The following CRISPLD2 variants were observed in gnomAD, a reference collection of about 807,000 sequenced individuals.
CRISPLD2 encodes the protein cysteine rich secretory protein LCCL domain containing 2, also known as cysteine-rich secretory protein LCCL domain-containing 2.
Under a neutral mutation model 71.1 loss-of-function variants are expected in CRISPLD2, and 47 were observed. That is an observed-to-expected ratio of 0.66 (90% CI 0.52 to 0.84). The LOEUF is 0.84. Among genes scored for constraint, CRISPLD2 ranks in the 40% least tolerant of loss-of-function variants. The pLI is 0.00. For missense variants in CRISPLD2, 830 were observed against 651.1 expected (o/e 1.27, Z -2.99); for synonymous variants, 317 against 250.1 (o/e 1.27, Z -2.52).
rs1207870877 is a variant in CRISPLD2 at position 84,889,366 on chromosome 16, A to G, written c.1439+3A>G. 1 of 1,608,760 alleles carries G rather than the reference A, an allele frequency of 6.2e-7. No individual in the cohort carries two copies. The highest frequency in any genetic ancestry group is 1.3e-5 in the African/African-American group (1 of 74,988). On this transcript the variant is annotated splice_donor_region_variant and intron_variant, in intron 14 of 14. Coordinates refer to ENST00000262424, the MANE Select transcript of CRISPLD2 (RefSeq NM_031476.4). ...AGGAATGGAGTTCAGTCTGAAAGGT[A>G]GGGTGGTGTTCTCCAACCCTTGACA...
intron 2 of CRISPLD2, among the ~76,000 whole-genome samples, chr16:84,841,025 C>T (rs917255329): frequency 3.3e-5 from 5 of 152,190 alleles, no homozygotes; most frequent in African/African-American, 4.8e-5. Flanking sequence ...ACGGCACCTC[C>T]GGACTAGTGT....
intron 14 of CRISPLD2, among the ~76,000 whole-genome samples, chr16:84,905,978 G>A (rs1314176624): frequency 6.6e-6 from 1 of 152,140 alleles, no homozygotes; most frequent in Non-Finnish European, 1.5e-5. Context: ...AAAGTGCTGA[G>A]GTTACAGGCA....
chr16:84,834,638 T>C (rs192960798), intron 1 of CRISPLD2, among the ~76,000 whole-genome samples: 44 of 152,286 alleles, frequency 2.9e-4, no homozygotes, highest in Non-Finnish European at 4.1e-4. Flanking sequence ...ATCTGATGTG[T>C]GTTGGTCTGT....
intron 2 of CRISPLD2, among the ~76,000 whole-genome samples, chr16:84,843,755 G>A (rs1023246004): frequency 6.6e-6 from 1 of 152,222 alleles, no homozygotes; most frequent in Non-Finnish European, 1.5e-5. Flanking sequence ...TCTGGCACTT[G>A]GTTACAGTAT....
At position 84,854,928 on chromosome 16, in the gene CRISPLD2, C is replaced by T. The variant is rs113835532; in HGVS notation, c.709+99C>T. 15 of 916,002 alleles carry T rather than the reference C, an allele frequency of 1.6e-5. 1 individual carries two copies. Among genetic ancestry groups the T allele is most frequent in the Non-Finnish European group, 2.5e-5 (14 of 554,156 alleles). 56.7% of individuals were successfully genotyped at this position (916,002 alleles called of 1,614,324 possible). A position where few individuals can be genotyped will look rare whatever the true frequency, so the allele number is the denominator to read the frequency against. On this transcript the variant is annotated intron_variant, in intron 6 of 14. Transcript: ENST00000262424. The stretch of plus-strand genomic sequence containing the variant: ...ACAGGGGAATTAAAGAAGTCAGTCA[C>T]CCCTCCTGGCCCTATTTAAGACGCT...
intron 6 of CRISPLD2, among the ~76,000 whole-genome samples, chr16:84,861,444 A>G (rs1211443598): frequency 2.6e-5 from 4 of 152,176 alleles, no homozygotes; most frequent in Non-Finnish European, 5.9e-5. Context: ...AAGCTAAAGA[A>G]CTTGAAGTCT....
intron 14 of CRISPLD2, among the ~76,000 whole-genome samples, chr16:84,895,715 G>T (rs2071699925): frequency 6.6e-6 from 1 of 152,146 alleles, no homozygotes; most frequent in Non-Finnish European, 1.5e-5. Flanking sequence ...AGCCTGCGTT[G>T]CCCACATTCT....
chr16:84,832,475 G>T (rs992405840), intron 1 of CRISPLD2, among the ~76,000 whole-genome samples: 3 of 152,266 alleles, frequency 2.0e-5, no homozygotes, highest in Admixed American at 6.5e-5. Context: ...GGGAGCAGGA[G>T]GGGGCCACAG....
chr16:84,833,437 T>C (rs767330846), intron 1 of CRISPLD2, among the ~76,000 whole-genome samples: 2 of 152,218 alleles, frequency 1.3e-5, no homozygotes, highest in Non-Finnish European at 2.9e-5. Context: ...TCCCTAGTGA[T>C]ATTTCATTAT....
intron 14 of CRISPLD2, among the ~76,000 whole-genome samples, chr16:84,895,346 C>T (rs1161872730): frequency 6.6e-6 from 1 of 152,180 alleles, no homozygotes; most frequent in Non-Finnish European, 1.5e-5. Context: ...ACAGACCCTT[C>T]CCAAGAAGGG....
chr16:84,907,115 A>C lies in CRISPLD2; in HGVS notation c.*473A>C, dbSNP rs2071809909. ...GAATGAAGTAGAAGGTAGTTATTTA[A>C]AAATAAAAAACACAGTCCGTCCCTA... On this transcript the variant is annotated 3_prime_UTR_variant, in exon 15 of 15. Transcript: ENST00000262424. The C allele has an allele frequency of 5.6e-6, 1 of 179,138 alleles. No individual in the cohort carries two copies. Among genetic ancestry groups the C allele is most frequent in the Non-Finnish European group, 1.2e-5 (1 of 84,690 alleles). 11.1% of individuals were successfully genotyped at this position (179,138 alleles called of 1,614,324 possible).
intron 2 of CRISPLD2, among the ~76,000 whole-genome samples, chr16:84,843,512 C>G (rs972185919): frequency 2.0e-5 from 3 of 152,204 alleles, no homozygotes; most frequent in Non-Finnish European, 4.4e-5. Flanking sequence ...CCAGCTCTGT[C>G]ACTGGCCAGC....
At chr16:84,837,804 G>T (rs142555830) in intron 1 of CRISPLD2, among the ~76,000 whole-genome samples, 1 of 152,104 alleles carries the variant, frequency 6.6e-6, no homozygotes, top group African/African-American at 2.4e-5. Context: ...ATAAACGACC[G>T]GCCTGTGTAG....
chr16:84,900,196 CGTTTCAAAA>C (rs2071741107), intron 14 of CRISPLD2, among the ~76,000 whole-genome samples: 1 of 152,072 alleles, frequency 6.6e-6, no homozygotes, highest in Non-Finnish European at 1.5e-5. Flanking sequence ...ATCTGATACA[CGTTTCAAAA>C]GTTCAATTCC....
chr16:84,896,248 C>T (rs963766434), intron 14 of CRISPLD2, among the ~76,000 whole-genome samples: 3 of 151,872 alleles, frequency 2.0e-5, no homozygotes, highest in African/African-American at 7.3e-5. Context: ...GGGATTTCAC[C>T]ATGTTGGCCA....
chr16:84,893,454 C>T (rs544437721), intron 14 of CRISPLD2, among the ~76,000 whole-genome samples: 3 of 152,304 alleles, frequency 2.0e-5, no homozygotes, highest in African/African-American at 7.2e-5. Flanking sequence ...TCCTTGCTTC[C>T]ATCCTTCCAA....
intron 13 of CRISPLD2, among the ~76,000 whole-genome samples, chr16:84,883,968 C>A (rs369325271): frequency 1.3e-5 from 2 of 151,888 alleles, no homozygotes; most frequent in African/African-American, 4.8e-5. Flanking sequence ...CCCAGCCTCC[C>A]GAGTAGCTGG....
In CRISPLD2 at chr16:84,854,816, C is replaced by T. The variant is rs1917191273; in HGVS notation, c.696C>T (p.Asn232=). The T allele has an allele frequency of 6.2e-7, 1 of 1,613,934 alleles. No homozygotes were observed. The highest frequency in any genetic ancestry group is 8.5e-7 in the Non-Finnish European group (1 of 1,179,798). Reference sequence around the variant, plus strand: ...GCTATGGAGGCAGCTGCAGGAACAACTTGTGTTACCGAGGTAGGAAATTTA... The same window carrying T: ...GCTATGGAGGCAGCTGCAGGAACAATTTGTGTTACCGAGGTAGGAAATTTA... ...PPSYGGSCRN[N]LCYREETYTP... is the part of the protein sequence containing the mutation. Residue 232 remains asparagine (N), a synonymous_variant, in exon 6 of 15, where the codon AAC becomes AAT. Transcript: ENST00000262424.
intron 14 of CRISPLD2, among the ~76,000 whole-genome samples, chr16:84,889,942 C>T (rs968533428): frequency 1.3e-5 from 2 of 152,102 alleles, no homozygotes; most frequent in African/African-American, 4.8e-5. Context: ...TTTGTGACCC[C>T]GAGTAAGCCA....
Sources: gnomAD v4.1 joint callset for allele counts (sites outside exome capture counted in the v4.1 genomes callset) on GRCh38, gnomAD v4.1.1 for gene constraint, MANE v1.5 for transcripts, NCBI Gene and HGNC (gene_info 2026-07-23, HGNC 2026-07-21) for gene names.